Variants in CRPPA observed in about 807,000 individuals in gnomAD.
The protein encoded by CRPPA is CDP-L-ribitol pyrophosphorylase A, also known as D-ribitol-5-phosphate cytidylyltransferase.
In CRPPA, 43 loss-of-function variants were observed where a neutral mutation model predicts 52.0. The observed-to-expected ratio is 0.83, with a 90% CI of 0.65 to 1.07. CRPPA has a LOEUF of 1.07. Ranked by LOEUF, CRPPA falls within the 50% of genes least tolerant of loss-of-function variation. The probability of loss-of-function intolerance (pLI) is 0.00; values close to 1 mark genes in which losing one functional copy is unlikely to be tolerated. For missense variants in CRPPA, 629 were observed against 551.7 expected, an observed-to-expected ratio of 1.14 and a Z score of -1.40; for synonymous variants, 250 against 203.5, an observed-to-expected ratio of 1.23 and a Z score of -1.94.
At chr7:16,384,486 A>C (rs1787201856) in intron 2 of CRPPA, among the ~76,000 whole-genome samples, 1 of 152,252 alleles carries the variant, frequency 6.6e-6, no homozygotes, top group Non-Finnish European at 1.5e-5. Flanking sequence ...TGAGACTACA[A>C]GGGATATATG....
chr7:16,199,237 C>T (rs962115372), intron 9 of CRPPA, among the ~76,000 whole-genome samples: 2 of 152,078 alleles, frequency 1.3e-5, no homozygotes, highest in African/African-American at 4.8e-5. Flanking sequence ...CCCCTTCATG[C>T]TCCCTTAAAA....
At chr7:16,153,877 GTTGTATTTTAATTTTTTAATGAAAA>G (rs1783123894) in intron 9 of CRPPA, among the ~76,000 whole-genome samples, 1 of 151,726 alleles carries the variant, frequency 6.6e-6, no homozygotes, top group African/African-American at 2.4e-5. Context: ...AGAATCAAGT[GTTGTATTTTAATTTTTTAATGAAAA>G]TAATTTGTTT....
At chr7:16,398,821 A>C (rs1425045060) in intron 2 of CRPPA, among the ~76,000 whole-genome samples, 1 of 152,182 alleles carries the variant, frequency 6.6e-6, no homozygotes, top group Non-Finnish European at 1.5e-5. Context: ...CGTGACCAAT[A>C]CGTTTGACAC....
chr7:16,226,285 A>G, intron 8 of CRPPA, among the ~76,000 whole-genome samples: 1 of 152,008 alleles, frequency 6.6e-6, no homozygotes, highest in East Asian at 1.9e-4. Flanking sequence ...CTGTGCTAAG[A>G]AATGTAAAAA....
chr7:16,341,680 G>A (rs577621330), intron 3 of CRPPA, among the ~76,000 whole-genome samples: 16 of 152,154 alleles, frequency 1.1e-4, no homozygotes, highest in South Asian at 8.3e-4. Flanking sequence ...AATTAATAAC[G>A]TGTATTCTGA....
At chr7:16,251,716 A>G (rs540896613) in intron 8 of CRPPA, among the ~76,000 whole-genome samples, 24 of 152,224 alleles carry the variant, frequency 1.6e-4, no homozygotes, top group Non-Finnish European at 3.2e-4. Context: ...TCTCTGGGAC[A>G]TATTTAAAGC....
intron 9 of CRPPA, among the ~76,000 whole-genome samples, chr7:16,212,626 G>A (rs1782181131): frequency 6.6e-6 from 1 of 152,202 alleles, no homozygotes; most frequent in Non-Finnish European, 1.5e-5. Context: ...ACCAGGCTCA[G>A]TTCCAGAATG....
At chr7:16,419,380 T>A (rs1788273569) in intron 1 of CRPPA, among the ~76,000 whole-genome samples, 1 of 152,266 alleles carries the variant, frequency 6.6e-6, no homozygotes, top group South Asian at 2.1e-4. Context: ...TAGGCCGAAC[T>A]AACCTTGGGA....
chr7:16,105,163 T>C (rs1782126678), intron 9 of CRPPA, among the ~76,000 whole-genome samples: 1 of 152,088 alleles, frequency 6.6e-6, no homozygotes, highest in Non-Finnish European at 1.5e-5. Context: ...GGAAGTCTTC[T>C]CCTCCACCAA....
chr7:16,220,903 C>G (rs368450877), intron 8 of CRPPA, among the ~76,000 whole-genome samples: 35 of 152,310 alleles, frequency 2.3e-4, no homozygotes, highest in Non-Finnish European at 2.4e-4. Context: ...CCATCCCCAT[C>G]AAGCTACCAG....
intron 4 of CRPPA, among the ~76,000 whole-genome samples, chr7:16,308,153 C>T (rs762419087): frequency 6.6e-6 from 1 of 152,082 alleles, no homozygotes; most frequent in Non-Finnish European, 1.5e-5. Context: ...GAAGCAGAAG[C>T]CACTATGCTT....
chr7:16,099,592 G>A (rs571440858), intron 9 of CRPPA, among the ~76,000 whole-genome samples: 2 of 152,070 alleles, frequency 1.3e-5, no homozygotes, highest in South Asian at 2.1e-4. Flanking sequence ...GATACTTTAC[G>A]GAGCAGGAAC....
chr7:16,259,147 C>A, intron 6 of CRPPA, 135 bp from the exon 7 acceptor site: 1 of 540,498 alleles, frequency 1.9e-6, no homozygotes, highest in Non-Finnish European at 3.2e-6. Flanking sequence ...ATGAAACATG[C>A]TGAAGTTCAT....
At chr7:16,242,921 T>C (rs886166087) in intron 8 of CRPPA, among the ~76,000 whole-genome samples, 2 of 152,190 alleles carry the variant, frequency 1.3e-5, no homozygotes, top group Non-Finnish European at 2.9e-5. Context: ...AGAACATTTA[T>C]AATATGACCC....
At chr7:16,391,286 C>G (rs772865525) in intron 2 of CRPPA, among the ~76,000 whole-genome samples, 1 of 152,058 alleles carries the variant, frequency 6.6e-6, no homozygotes, top group African/African-American at 2.4e-5. Context: ...ATTTCTCCCC[C>G]ACTCTTATAA....
chr7:16,203,633 T>C (rs1414756466), intron 9 of CRPPA, among the ~76,000 whole-genome samples: 1 of 152,186 alleles, frequency 6.6e-6, no homozygotes, highest in Non-Finnish European at 1.5e-5. Context: ...AAGAGACTGA[T>C]GAGAGAGGAA....
At chr7:16,386,006 G>C (rs777550169) in intron 2 of CRPPA, among the ~76,000 whole-genome samples, 4 of 152,234 alleles carry the variant, frequency 2.6e-5, no homozygotes, top group Non-Finnish European at 4.4e-5. Flanking sequence ...TCCACAGACA[G>C]CTTAAATGTT....
intron 9 of CRPPA, among the ~76,000 whole-genome samples, chr7:16,155,256 T>G (rs1190527851): frequency 6.6e-6 from 1 of 152,174 alleles, no homozygotes; most frequent in Non-Finnish European, 1.5e-5. Context: ...TGTCTTATTT[T>G]AGAGGTGCAA....
chr7:16,097,781 G>C (rs1390473432), intron 9 of CRPPA, among the ~76,000 whole-genome samples: 1 of 152,080 alleles, frequency 6.6e-6, no homozygotes, highest in Non-Finnish European at 1.5e-5. Context: ...AAATGACAGT[G>C]GCACCTCTAT....
Sources: allele counts gnomAD v4.1 joint callset (sites outside exome capture counted in the v4.1 genomes callset), GRCh38; gene constraint gnomAD v4.1.1; transcripts MANE v1.5; gene names NCBI Gene and HGNC (gene_info 2026-07-23, HGNC 2026-07-21).